MYO1B: variants seen among roughly 807,000 people sequenced by gnomAD.
MYO1B encodes the protein unconventional myosin-Ib.
MYO1B carries 72 observed loss-of-function variants against 159.7 expected under a neutral mutation model. The ratio of observed to expected loss-of-function variants is 0.45; its 90% CI spans 0.37 to 0.55. The LOEUF is 0.55. Ranked by LOEUF, MYO1B falls within the 20% of genes least tolerant of loss-of-function variation. The pLI is 0.00. For missense variants in MYO1B, 1,062 were observed against 1,364.8 expected, an observed-to-expected ratio of 0.78 and a Z score of 3.50; for synonymous variants, 468 against 473.8, an observed-to-expected ratio of 0.99 and a Z score of 0.16.
At chr2:191,345,914 C>T (rs1293953457) in intron 5 of MYO1B, among the ~76,000 whole-genome samples, 1 of 152,154 alleles carries the variant, frequency 6.6e-6, no homozygotes, top group African/African-American at 2.4e-5. Flanking sequence ...TGAAGCTTTG[C>T]TTCCTGGTCA....
chr2:191,275,303 ACTTC>A (rs760882490), intron 1 of MYO1B, among the ~76,000 whole-genome samples: 13 of 152,214 alleles, frequency 8.5e-5, no homozygotes, highest in Non-Finnish European at 1.9e-4. Flanking sequence ...AGTGTTAAAT[ACTTC>A]CTTATTTTAT....
At chr2:191,352,587 A>G (rs796646720) in intron 7 of MYO1B, among the ~76,000 whole-genome samples, 4 of 152,340 alleles carry the variant, frequency 2.6e-5, no homozygotes, top group African/African-American at 9.6e-5. Context: ...TTCTTTTCCA[A>G]TTAAGATTAA....
intron 8 of MYO1B, 33 bp from the exon 9 acceptor site, chr2:191,362,235 G>A (rs746187246): frequency 1.3e-6 from 2 of 1,532,104 alleles, no homozygotes; most frequent in Non-Finnish European, 1.8e-6. Flanking sequence ...ATTTATTGAA[G>A]CAACTTAACA....
chr2:191,338,154 A>G (rs896078484), intron 4 of MYO1B, among the ~76,000 whole-genome samples: 4 of 151,952 alleles, frequency 2.6e-5, no homozygotes, highest in African/African-American at 9.7e-5. Flanking sequence ...AAAAAAAATT[A>G]TAAGAGTTGT....
chr2:191,400,474 C>A lies in MYO1B; in HGVS notation c.2382+6C>A. On this transcript the variant is annotated splice_donor_region_variant and intron_variant, in intron 22 of 30. Transcript: ENST00000392318. ...CATATTGGCATGGGACCCAGGTAGG[C>A]CCGAGACCCCAAGGAAGGCGGTGGG... 6.2e-7 allele frequency: 1 copy of A among 1,614,062 alleles called. No homozygotes were observed. Among genetic ancestry groups the A allele is most frequent in the Non-Finnish European group, 8.5e-7 (1 of 1,179,970 alleles).
At chr2:191,291,056 A>G (rs1688659771) in intron 2 of MYO1B, among the ~76,000 whole-genome samples, 1 of 152,210 alleles carries the variant, frequency 6.6e-6, no homozygotes, top group Non-Finnish European at 1.5e-5. Flanking sequence ...TCATTGAAGT[A>G]GAATCTCTGA....
At position 191,385,957 on chromosome 2, in the gene MYO1B, T is replaced by G; in HGVS notation, c.1427T>G (p.Leu476Ter). The G allele has an allele frequency of 6.2e-7, 1 of 1,614,128 alleles. No homozygotes were observed. The highest frequency in any genetic ancestry group is 8.5e-7 in the Non-Finnish European group (1 of 1,180,002). ...RPGTVTDETF[L>*]EKLNQVCATH... Reference sequence around the variant, plus strand: ...GGCACAGTCACTGATGAGACCTTCTTAGAAAAGCTGAACCAAGTATGTGCC... The same window carrying G: ...GGCACAGTCACTGATGAGACCTTCTGAGAAAAGCTGAACCAAGTATGTGCC... Residue 476 changes from leucine (L) to a stop codon, truncating the protein, a stop_gained, in exon 16 of 31, where the codon TTA becomes TGA. Coordinates refer to ENST00000392318, the MANE Select transcript of MYO1B (RefSeq NM_001130158.3). LOFTEE classifies it high-confidence loss of function.
At chr2:191,364,057 C>G in intron 10 of MYO1B, 101 bp from the exon 11 acceptor site, 1 of 1,204,318 alleles carries the variant, frequency 8.3e-7, no homozygotes. Context: ...TTATACTGAT[C>G]TGTTTGATTA....
chr2:191,389,253 G>A (rs896975972), intron 17 of MYO1B, among the ~76,000 whole-genome samples: 3 of 152,202 alleles, frequency 2.0e-5, no homozygotes, highest in East Asian at 1.9e-4. Context: ...AGTTGTCCAC[G>A]TAAGTGTGTA....
rs552934493 is a variant in MYO1B at position 191,318,032 on chromosome 2, A to G, written c.252-11903A>G. Among the ~76,000 whole-genome samples the G allele has an allele frequency of 3.9e-5, 6 of 152,332 alleles. No individual in the cohort carries two copies. The South Asian group carries it at 1.2e-3, about 32-fold the overall frequency. On this transcript the variant is annotated intron_variant, in intron 3 of 30. Coordinates refer to ENST00000392318, the MANE Select transcript of MYO1B (RefSeq NM_001130158.3). ...ACCAGTTTTTTTCTGAGCATATACC[A>G]TGTGTTGCACTGTGCTAGGCACTAG...
In MYO1B at chr2:191,392,101, T is replaced by G; in HGVS notation, c.1983-7T>G. On this transcript the variant is annotated splice_region_variant and splice_polypyrimidine_tract_variant and intron_variant, in intron 18 of 30. Transcript: ENST00000392318. ...AAAACTCACTGTTTTTATTTTTATT[T>G]TTTTAGGTCTGGTGTGGAGGTCCTA... The G allele has an allele frequency of 6.3e-7, 1 of 1,585,558 alleles. No homozygotes were observed. The highest frequency in any genetic ancestry group is 8.6e-7 in the Non-Finnish European group (1 of 1,160,822).
chr2:191,419,039 T>G (rs1697762759), intron 30 of MYO1B, among the ~76,000 whole-genome samples: 1 of 152,258 alleles, frequency 6.6e-6, no homozygotes, highest in Admixed American at 6.5e-5. Context: ...CTTCTGTCTA[T>G]TGATGTCACA....
At chr2:191,353,717 C>T (rs1693076218) in intron 7 of MYO1B, among the ~76,000 whole-genome samples, 1 of 152,168 alleles carries the variant, frequency 6.6e-6, no homozygotes, top group Non-Finnish European at 1.5e-5. Flanking sequence ...ATTCTCTGTG[C>T]CTCCATTTCT....
intron 5 of MYO1B, among the ~76,000 whole-genome samples, chr2:191,344,598 A>AG (rs1395004320): frequency 5.3e-5 from 8 of 152,088 alleles, no homozygotes; most frequent in African/African-American, 1.9e-4. Context: ...TGGGAGGCCG[A>AG]GGGGGGTGGA....
intron 2 of MYO1B, among the ~76,000 whole-genome samples, chr2:191,279,994 C>T (rs1027907577): frequency 2.0e-5 from 3 of 152,126 alleles, no homozygotes; most frequent in Admixed American, 6.5e-5. Context: ...AGCTCTAAAT[C>T]GGGGGGTTCA....
At chr2:191,274,473 C>T (rs567937574) in intron 1 of MYO1B, among the ~76,000 whole-genome samples, 1 of 152,296 alleles carries the variant, frequency 6.6e-6, no homozygotes, top group African/African-American at 2.4e-5. Flanking sequence ...CAGGAATCCA[C>T]CCCAGGGCAG....
intron 1 of MYO1B, among the ~76,000 whole-genome samples, chr2:191,254,379 A>G (rs946397826): frequency 2.6e-5 from 4 of 152,042 alleles, no homozygotes; most frequent in Admixed American, 1.3e-4. Context: ...ACGCCTGGCT[A>G]ATTTTGTATT....
chr2:191,311,833 T>C (rs1363570051), intron 3 of MYO1B, among the ~76,000 whole-genome samples: 28 of 152,226 alleles, frequency 1.8e-4, no homozygotes. Context: ...TGGTTACTCA[T>C]TACCTGGAAT....
At chr2:191,291,272 C>CAT (rs1688670323) in intron 2 of MYO1B, among the ~76,000 whole-genome samples, 1 of 152,124 alleles carries the variant, frequency 6.6e-6, no homozygotes, top group South Asian at 2.1e-4. Flanking sequence ...ATTTACAAGA[C>CAT]ATCTGTTTTG....
Sources: allele counts gnomAD v4.1 joint callset (sites outside exome capture counted in the v4.1 genomes callset), GRCh38; gene constraint gnomAD v4.1.1; transcripts MANE v1.5; gene names NCBI Gene and HGNC (gene_info 2026-07-23, HGNC 2026-07-21).